PRKN: variants seen among roughly 807,000 people sequenced by gnomAD.
PRKN encodes the protein E3 ubiquitin-protein ligase parkin.
In PRKN, 56 loss-of-function variants were observed where a neutral mutation model predicts 59.5. The ratio of observed to expected loss-of-function variants is 0.94; its 90% CI spans 0.76 to 1.18. The LOEUF is 1.18. Ranked by LOEUF, PRKN falls within the 50% of genes most tolerant of loss-of-function variation. The pLI is 0.00. For synonymous variants in PRKN, 250 were observed against 222.1 expected, an observed-to-expected ratio of 1.13 and a Z score of -1.12; for missense variants, 657 against 596.4, an observed-to-expected ratio of 1.10 and a Z score of -1.06.
intron 2 of PRKN, among the ~76,000 whole-genome samples, chr6:162,430,300 G>A (rs1276001557): frequency 1.3e-5 from 2 of 152,156 alleles, no homozygotes; most frequent in African/African-American, 2.4e-5. Flanking sequence ...ACCCCATGAG[G>A]TAGATAACAC....
At chr6:161,415,889 G>T (rs190837160) in intron 9 of PRKN, among the ~76,000 whole-genome samples, 1 of 152,140 alleles carries the variant, frequency 6.6e-6, no homozygotes, top group East Asian at 1.9e-4. Context: ...GGATGTGCCA[G>T]AACATGCCGT....
rs1393327604 is a variant in PRKN, at chr6:161,400,657, T to G, written c.1084-13780A>C. On this transcript the variant is annotated intron_variant, in intron 9 of 11. Coordinates refer to ENST00000366898, the MANE Select transcript of PRKN (RefSeq NM_004562.3). This position sits in a 1 kb window ranked among gnomAD's most constrained non-coding sequence, Gnocchi z 4.2. ...AAGACAAAGAAATTCAGATTTTTTT[T>G]TTTTCGAATAAAGGATGCTGTGTTT... Among the ~76,000 whole-genome samples, 1 of 152,020 alleles carries G rather than the reference T, an allele frequency of 6.6e-6. No homozygotes were observed. The highest frequency in any genetic ancestry group is 1.5e-5 in the Non-Finnish European group (1 of 68,000).
chr6:162,015,065 A>G (rs576222481), intron 5 of PRKN, among the ~76,000 whole-genome samples: 15 of 152,344 alleles, frequency 9.8e-5, no homozygotes, highest in African/African-American at 3.4e-4. Flanking sequence ...AACTTGCAGC[A>G]TGATTTTAAG....
intron 4 of PRKN, among the ~76,000 whole-genome samples, chr6:162,099,348 T>G (rs1779873171): frequency 6.6e-6 from 1 of 152,244 alleles, no homozygotes; most frequent in Non-Finnish European, 1.5e-5. Flanking sequence ...TGTAATTTCT[T>G]TTTAACATAA....
chr6:162,149,297 T>G (rs1782160895), intron 4 of PRKN, among the ~76,000 whole-genome samples: 1 of 152,098 alleles, frequency 6.6e-6, no homozygotes, highest in South Asian at 2.1e-4. Context: ...CAGGCTGGAG[T>G]GCAGTGGCAC....
At chr6:161,680,775 A>ATATTTTTTTTTTTTTT (rs1216235673) in intron 7 of PRKN, among the ~76,000 whole-genome samples, 1 of 30,628 alleles carries the variant, frequency 3.3e-5, no homozygotes, top group African/African-American at 1.2e-4. Context: ...ATATATATAT[A>ATATTTTTTTTTTTTTT]TTTTTTTTTT....
At chr6:161,351,165 A>T (rs1302976676) in intron 11 of PRKN, among the ~76,000 whole-genome samples, 2 of 133,550 alleles carry the variant, frequency 1.5e-5, no homozygotes, top group Non-Finnish European at 3.1e-5. Context: ...AAATATATTT[A>T]TATTTAAATA....
intron 1 of PRKN, among the ~76,000 whole-genome samples, chr6:162,573,454 C>T (rs370304692): frequency 6.6e-5 from 10 of 152,166 alleles, no homozygotes; most frequent in African/African-American, 2.2e-4. Context: ...TTCTTCCATC[C>T]TTTGAAACCT....
chr6:161,786,200 C>T (rs972391434), intron 6 of PRKN, among the ~76,000 whole-genome samples: 1 of 152,124 alleles, frequency 6.6e-6, no homozygotes, highest in African/African-American at 2.4e-5. Context: ...TGGAAGTCTT[C>T]CCTGACTCAG....
intron 2 of PRKN, among the ~76,000 whole-genome samples, chr6:162,401,655 T>C (rs976106974): frequency 3.3e-5 from 5 of 152,142 alleles, no homozygotes; most frequent in African/African-American, 9.6e-5. Flanking sequence ...TGTCAAACCA[T>C]CATAAGTTGA....
intron 6 of PRKN, among the ~76,000 whole-genome samples, chr6:161,898,675 G>A (rs1289429391): frequency 1.3e-5 from 2 of 152,182 alleles, no homozygotes; most frequent in South Asian, 4.1e-4. Flanking sequence ...TGGGTAGACA[G>A]AACTTCCAGA....
intron 7 of PRKN, among the ~76,000 whole-genome samples, chr6:161,733,236 A>G (rs1787796802): frequency 6.6e-6 from 1 of 152,198 alleles, no homozygotes; most frequent in Admixed American, 6.5e-5. Flanking sequence ...CTGATGGGAA[A>G]GTCTATGGAA....
chr6:161,424,286 G>A (rs1328506897), intron 9 of PRKN, among the ~76,000 whole-genome samples: 6 of 146,870 alleles, frequency 4.1e-5, no homozygotes, highest in African/African-American at 1.0e-4. Flanking sequence ...GCAGTGAGCC[G>A]AGATCATACC....
At chr6:162,679,988 A>G (rs145303082) in intron 1 of PRKN, among the ~76,000 whole-genome samples, 53 of 152,134 alleles carry the variant, frequency 3.5e-4, no homozygotes, top group African/African-American at 1.2e-3. Flanking sequence ...TTTCCTATTC[A>G]ATGTTAATGT....
At chr6:162,191,166 A>G (rs151066149) in intron 4 of PRKN, among the ~76,000 whole-genome samples, 4 of 152,280 alleles carry the variant, frequency 2.6e-5, no homozygotes, top group African/African-American at 9.6e-5. Context: ...CAAATGTGAT[A>G]GTCGCTGATC....
At chr6:162,684,629 CA>C (rs1779898786) in intron 1 of PRKN, among the ~76,000 whole-genome samples, 1 of 152,056 alleles carries the variant, frequency 6.6e-6, no homozygotes, top group Admixed American at 6.5e-5. Flanking sequence ...TCCTTATCTA[CA>C]AAATAGAGAC....
intron 7 of PRKN, among the ~76,000 whole-genome samples, chr6:161,757,833 A>ATCTCTCTCCC (rs1554301288): frequency 1.9e-4 from 7 of 37,622 alleles, no homozygotes; most frequent in African/African-American, 4.1e-4. Flanking sequence ...GCAAAACTCC[A>ATCTCTCTCCC]TCTCTCTCTC....
intron 6 of PRKN, 35 bp downstream of exon 6, chr6:161,973,267 C>G (rs754452026): frequency 2.2e-6 from 3 of 1,334,276 alleles, no homozygotes; most frequent in African/African-American, 1.4e-5. Context: ...ACCTCACGTC[C>G]GTGGAGGGAA....
intron 6 of PRKN, among the ~76,000 whole-genome samples, chr6:161,902,861 T>A (rs1405517238): frequency 1.3e-5 from 2 of 152,156 alleles, no homozygotes; most frequent in Non-Finnish European, 2.9e-5. Context: ...CCGGCTCATC[T>A]ATGTATTTCT....
Sources: gnomAD v4.1 joint callset for allele counts (sites outside exome capture counted in the v4.1 genomes callset) on GRCh38, gnomAD v4.1.1 for gene constraint, Gnocchi (gnomAD v3.1) non-coding constraint, MANE v1.5 for transcripts, NCBI Gene and HGNC (gene_info 2026-07-23, HGNC 2026-07-21) for gene names.